PRR14L: variants seen among roughly 807,000 people sequenced by gnomAD.
PRR14L encodes the protein protein PRR14L.
In PRR14L, 80 loss-of-function variants were observed where a neutral mutation model predicts 155.0. The observed-to-expected ratio is 0.52, with a 90% CI of 0.43 to 0.62. The LOEUF (loss-of-function observed/expected upper bound fraction) is 0.62. Among genes scored for constraint, PRR14L ranks in the 20% least tolerant of loss-of-function variants. The pLI is 0.00. For synonymous variants in PRR14L, 883 were observed against 916.0 expected (o/e 0.96, Z 0.65); for missense variants, 2,469 against 2,548.0 (o/e 0.97, Z 0.67).
At chr22:31,749,841 G>A (rs867571843) in intron 1 of PRR14L, among the ~76,000 whole-genome samples, 152 bp downstream of exon 1, 50 of 152,340 alleles carry the variant, frequency 3.3e-4, no homozygotes, top group African/African-American at 1.1e-3. Context: ...GGGTCGTTCC[G>A]CCGCCCACAG....
At chr22:31,726,271 C>T (rs986691454) in intron 2 of PRR14L, among the ~76,000 whole-genome samples, 3 of 151,898 alleles carry the variant, frequency 2.0e-5, no homozygotes, top group Non-Finnish European at 4.4e-5. Flanking sequence ...TCTGGGATTA[C>T]AGGCGCCCAC....
chr22:31,725,679 T>C (rs976620459), intron 2 of PRR14L, 69 bp from the exon 3 acceptor site: 34 of 960,296 alleles, frequency 3.5e-5, no homozygotes, highest in Non-Finnish European at 3.1e-6. Context: ...TTATTATTAT[T>C]ATTATTTTTT....
intron 7 of PRR14L, among the ~76,000 whole-genome samples, chr22:31,691,871 C>CT (rs1190675628): frequency 1.8e-4 from 27 of 151,208 alleles, no homozygotes; most frequent in African/African-American, 5.4e-4. Context: ...GTTTTCAATT[C>CT]CTTTTTTTTT....
At chr22:31,747,029 C>A (rs1213371786) in intron 1 of PRR14L, among the ~76,000 whole-genome samples, 2 of 151,982 alleles carry the variant, frequency 1.3e-5, no homozygotes, top group Non-Finnish European at 2.9e-5. Context: ...TGGTCTTGAT[C>A]TCCTGACCTT....
chr22:31,685,450 CAA>C lies in PRR14L; in HGVS notation c.*75_*76del, dbSNP rs33960159. 184,976 of 1,080,710 alleles carry C rather than the reference CAA, an allele frequency of 0.17. 3,466 individuals carry two copies. Among genetic ancestry groups the C allele is most frequent in the African/African-American group, 0.32 (18,638 of 58,718 alleles). 66.9% of individuals were successfully genotyped at this position (1,080,710 alleles called of 1,614,324 possible). A position where few individuals can be genotyped will look rare whatever the true frequency, so the allele number is the denominator to read the frequency against. ...TTAGGCAACCTTTTCCAAGGAGGTC[CAA>C]AAAAAAAAAAAAAACCCAAAAACAA... On this transcript the variant is annotated 3_prime_UTR_variant, in exon 9 of 9. Coordinates refer to ENST00000327423, the MANE Select transcript of PRR14L (RefSeq NM_173566.3).
Position 31,715,930 on chromosome 22 carries a change from A to G in PRR14L, c.1909T>C (p.Cys637Arg). ...TTGTTTACAACCAGTTCATTGGTAC[A>G]AGAAAGTTCATTCATCTCACAGGCT... ...SIACEMNELS[C>R]TNELVVNKVE... Residue 637 changes from cysteine to arginine, a missense_variant, in exon 4 of 9, where the codon TGT becomes CGT. By Grantham distance (180) the Cys-to-Arg change is radical. Transcript: ENST00000327423. The G allele has an allele frequency of 6.4e-7, 1 of 1,551,812 alleles. No homozygotes were observed. The highest frequency in any genetic ancestry group is 8.7e-7 in the Non-Finnish European group (1 of 1,146,968).
intron 1 of PRR14L, among the ~76,000 whole-genome samples, chr22:31,742,402 C>T (rs1035341885): frequency 1.7e-4 from 26 of 150,018 alleles, no homozygotes; most frequent in African/African-American, 5.4e-4. Context: ...CTTGCTCTGT[C>T]GCCCAGGCTG....
chr22:31,700,397 T>C lies in PRR14L; in HGVS notation c.6107+1259A>G, dbSNP rs184059815. ...TTCTCTTGAAAAGACATACAATAGA[T>C]CAACAAAAGAAACATAAGACAAAAA... is the stretch of plus-strand genomic sequence containing the variant. On this transcript the variant is annotated intron_variant, in intron 7 of 8. Transcript: ENST00000327423. Among the ~76,000 whole-genome samples the C allele has an allele frequency of 9.2e-5, 14 of 152,166 alleles. No individual in the cohort carries two copies. The East Asian group carries it at 2.7e-3, about 29-fold the overall frequency.
intron 7 of PRR14L, among the ~76,000 whole-genome samples, chr22:31,699,067 T>A (rs996306798): frequency 2.0e-5 from 3 of 152,094 alleles, no homozygotes; most frequent in Non-Finnish European, 4.4e-5. Context: ...TTTCTTTTTT[T>A]GAGACCCAGC....
In PRR14L at chr22:31,719,867, G is replaced by A. The variant is rs5998107; in HGVS notation, c.548-2576C>T. Among the ~76,000 whole-genome samples, 1,395 of 152,174 alleles carry A rather than the reference G, an allele frequency of 9.2e-3. 20 individuals are homozygous for A. The highest frequency in any genetic ancestry group is 0.03 in the African/African-American group (1,247 of 41,508). On this transcript the variant is annotated intron_variant, in intron 3 of 8. Coordinates refer to ENST00000327423, the MANE Select transcript of PRR14L (RefSeq NM_173566.3). The stretch of plus-strand genomic sequence containing the variant: ...TCCTCTCACCTCCGCCTCCCAAGGA[G>A]CTGGGACTGTAGGCACACGCCACCA...
intron 7 of PRR14L, among the ~76,000 whole-genome samples, chr22:31,695,009 G>A (rs2074528935): frequency 1.3e-5 from 2 of 151,874 alleles, no homozygotes; most frequent in Non-Finnish European, 2.9e-5. Context: ...CTTGAACCCA[G>A]GAGGCTGAAG....
intron 7 of PRR14L, among the ~76,000 whole-genome samples, chr22:31,689,853 T>A (rs1415955714): frequency 1.3e-5 from 2 of 151,998 alleles, no homozygotes; most frequent in Admixed American, 1.3e-4. Flanking sequence ...TTCAAGCGAT[T>A]CTCCTGCCCA....
chr22:31,717,440 T>C (rs186887004), intron 3 of PRR14L, 149 bp from the exon 4 acceptor site: 2 of 646,504 alleles, frequency 3.1e-6, no homozygotes, highest in Admixed American at 3.3e-5. Context: ...ATACCATTGA[T>C]TTTGTTCTTC....
intron 7 of PRR14L, among the ~76,000 whole-genome samples, chr22:31,693,098 T>G (rs2074519205): frequency 6.6e-6 from 1 of 152,204 alleles, no homozygotes; most frequent in African/African-American, 2.4e-5. Context: ...TGATACATTA[T>G]TATCACCCAA....
chr22:31,744,679 T>C (rs1263720007), intron 1 of PRR14L, among the ~76,000 whole-genome samples: 1 of 152,160 alleles, frequency 6.6e-6, no homozygotes, highest in Non-Finnish European at 1.5e-5. Flanking sequence ...CCCTCACCAT[T>C]CAATCAGCAC....
chr22:31,687,768 G>C (rs1270800924), intron 8 of PRR14L, among the ~76,000 whole-genome samples: 2 of 151,642 alleles, frequency 1.3e-5, no homozygotes, highest in Non-Finnish European at 2.9e-5. Context: ...TATTGGCCGG[G>C]CGCGGTGGCT....
At chr22:31,696,809 TGCC>T (rs1393285118) in intron 7 of PRR14L, among the ~76,000 whole-genome samples, 1 of 152,090 alleles carries the variant, frequency 6.6e-6, no homozygotes, top group Non-Finnish European at 1.5e-5. Context: ...GAGAGAAGAG[TGCC>T]TTTAGAGATT....
intron 7 of PRR14L, among the ~76,000 whole-genome samples, chr22:31,695,894 CCT>C (rs1417303418): frequency 3.3e-5 from 5 of 152,154 alleles, no homozygotes; most frequent in Admixed American, 6.6e-5. Flanking sequence ...AAGGTTACTC[CCT>C]GTCATAGTTT....
rs2074711809 is a variant in PRR14L at position 31,725,576 on chromosome 22, G to A, written c.509C>T (p.Ser170Leu). 2 of 1,551,188 alleles carry A rather than the reference G, an allele frequency of 1.3e-6. No individual in the cohort carries two copies. Among genetic ancestry groups the A allele is most frequent in the Non-Finnish European group, 1.7e-6 (2 of 1,146,638 alleles). The change falls in exon 3 of 9, where the codon TCA (serine) becomes TTA (leucine). Residue 170 changes from serine (S) to leucine (L), a missense_variant. Around this residue, in one of 2 missense-constraint regions of PRR14L, gnomAD observed 2,363 missense variants for 2,371.6 expected, o/e 1.00. Coordinates refer to ENST00000327423, the MANE Select transcript of PRR14L (RefSeq NM_173566.3). ...AAAATCTTCAGGGAGGTCCACATGT[G>A]AAAGTTCTTTGCTGGACTGCATCAG... ...DLLMQSSKEL[S>L]HVDLPEDFLR...
Sources: gnomAD v4.1 joint callset for allele counts (sites outside exome capture counted in the v4.1 genomes callset) on GRCh38, gnomAD v4.1.1 for gene constraint, gnomAD v4.1.1 regional missense constraint, MANE v1.5 for transcripts, NCBI Gene and HGNC (gene_info 2026-07-23, HGNC 2026-07-21) for gene names.